EPB41L4B: variants seen among roughly 807,000 people sequenced by gnomAD.
EPB41L4B encodes the protein band 4.1-like protein 4B.
A neutral mutation model predicts 112.5 loss-of-function variants in EPB41L4B; 30 were observed. That is an observed-to-expected ratio of 0.27 (90% CI 0.20 to 0.36). The LOEUF is 0.36. Among genes scored for constraint, EPB41L4B ranks in the 10% least tolerant of loss-of-function variants. The probability of loss-of-function intolerance (pLI) is 1.00; values close to 1 mark genes in which losing one functional copy is unlikely to be tolerated. For synonymous variants in EPB41L4B, 408 were observed against 439.7 expected (o/e 0.93, Z 0.90); for missense variants, 1,024 against 1,133.3 (o/e 0.90, Z 1.38).
At chr9:109,241,031 T>C (rs529512058) in intron 15 of EPB41L4B, 5 of 984,948 alleles carry the variant, frequency 5.1e-6, no homozygotes, top group Admixed American at 6.1e-5. Context: ...AGTTATATAC[T>C]TTATTTAGCT....
rs78094464 is a variant in EPB41L4B, at chr9:109,231,225, T to C, written c.1409+12393A>G. Among the ~76,000 whole-genome samples the C allele has an allele frequency of 5.9e-3, 896 of 151,862 alleles. 8 individuals are homozygous for C. The highest frequency in any genetic ancestry group is 0.021 in the African/African-American group (860 of 41,386). On this transcript the variant is annotated intron_variant, in intron 15 of 25. Transcript: ENST00000374566. ...GTTTAGATTCCTTTATAGAGACTAA[T>C]TGGCCCAAAACTTTTCCAATTTGTA...
intron 1 of EPB41L4B, among the ~76,000 whole-genome samples, chr9:109,317,529 A>G (rs2119295975): frequency 6.6e-6 from 1 of 152,318 alleles, no homozygotes; most frequent in East Asian, 1.9e-4. Context: ...GCACGGTCAC[A>G]CTGAGGGTGT....
At chr9:109,293,311 C>A (rs942709708) in intron 1 of EPB41L4B, among the ~76,000 whole-genome samples, 1 of 151,828 alleles carries the variant, frequency 6.6e-6, no homozygotes, top group African/African-American at 2.4e-5. Flanking sequence ...TTAGGACATC[C>A]CCACAGCATG....
intron 1 of EPB41L4B, among the ~76,000 whole-genome samples, chr9:109,315,675 GC>G (rs992664628): frequency 6.6e-6 from 1 of 152,142 alleles, no homozygotes; most frequent in African/African-American, 2.4e-5. Flanking sequence ...TCTCCAATGG[GC>G]CGGGGAGGTG....
At chr9:109,310,852 G>A (rs1055785162) in intron 1 of EPB41L4B, among the ~76,000 whole-genome samples, 2 of 152,208 alleles carry the variant, frequency 1.3e-5, no homozygotes, top group African/African-American at 2.4e-5. Context: ...ATTACTCAGC[G>A]TTAGAAAGGA....
chr9:109,260,645 C>A (rs1835167159), intron 6 of EPB41L4B, among the ~76,000 whole-genome samples: 1 of 152,052 alleles, frequency 6.6e-6, no homozygotes, highest in Non-Finnish European at 1.5e-5. Flanking sequence ...GAACTCCGGA[C>A]CTCAGGTAAT....
At chr9:109,199,138 T>G (rs1020885983) in intron 20 of EPB41L4B, among the ~76,000 whole-genome samples, 1 of 152,186 alleles carries the variant, frequency 6.6e-6, no homozygotes, top group Non-Finnish European at 1.5e-5. Context: ...CAGGTGCACA[T>G]GTGCCCTGGT....
rs1216424016 is a variant in EPB41L4B at position 109,185,480 on chromosome 9, G to A, written c.2418+9C>T. On this transcript the variant is annotated intron_variant, in intron 23 of 25. Coordinates refer to ENST00000374566, the MANE Select transcript of EPB41L4B (RefSeq NM_019114.5). ...CTGGCCAGGCCCCTCTCCCTGCCAGGGTACCTACCAGCCTCGTTTTGATTG... is the reference window on the plus strand; with the variant it reads ...CTGGCCAGGCCCCTCTCCCTGCCAGAGTACCTACCAGCCTCGTTTTGATTG... 2 of 1,612,024 alleles carry A rather than the reference G, an allele frequency of 1.2e-6. No individual in the cohort carries two copies. The highest frequency in any genetic ancestry group is 2.7e-5 in the African/African-American group (2 of 74,888).
At chr9:109,208,676 A>G (rs1015942340) in intron 17 of EPB41L4B, among the ~76,000 whole-genome samples, 17 of 152,188 alleles carry the variant, frequency 1.1e-4, no homozygotes, top group Admixed American at 4.6e-4. Context: ...ACTGTGTCCA[A>G]AGCAATAATA....
intron 22 of EPB41L4B, among the ~76,000 whole-genome samples, chr9:109,190,216 G>A (rs1832413097): frequency 6.6e-6 from 1 of 152,206 alleles, no homozygotes; most frequent in African/African-American, 2.4e-5. Context: ...TGGGGCCTCA[G>A]GAGTCTCATC....
intron 11 of EPB41L4B, among the ~76,000 whole-genome samples, 166 bp downstream of exon 11, chr9:109,255,345 G>C (rs1322631035): frequency 6.6e-6 from 1 of 152,206 alleles, no homozygotes; most frequent in Non-Finnish European, 1.5e-5. Context: ...TCAATGACCA[G>C]GTGGGGGTCA....
intron 4 of EPB41L4B, 91 bp from the exon 5 acceptor site, chr9:109,265,115 C>A (rs1359389983): frequency 2.5e-5 from 25 of 998,154 alleles, no homozygotes; most frequent in Middle Eastern, 2.1e-4. Flanking sequence ...ACCCCACACA[C>A]AGCATGGAGT....
intron 15 of EPB41L4B, among the ~76,000 whole-genome samples, chr9:109,239,423 C>G (rs531448073): frequency 6.6e-6 from 1 of 152,266 alleles, no homozygotes; most frequent in Non-Finnish European, 1.5e-5. Context: ...CAAAAGTTCA[C>G]AGGACAGTCT....
chr9:109,264,087 C>T (rs907781813), intron 5 of EPB41L4B, among the ~76,000 whole-genome samples: 1 of 152,040 alleles, frequency 6.6e-6, no homozygotes, highest in African/African-American at 2.4e-5. Flanking sequence ...AGTACACACA[C>T]TCATAATACA....
At chr9:109,276,301 T>C (rs544282537) in intron 2 of EPB41L4B, among the ~76,000 whole-genome samples, 1 of 143,956 alleles carries the variant, frequency 6.9e-6, no homozygotes, top group Admixed American at 7.1e-5. Flanking sequence ...ACACGCTTCA[T>C]GAAGGGTGAG....
chr9:109,318,313 T>C lies in EPB41L4B; in HGVS notation c.306+1828A>G, dbSNP rs143616419. Reference sequence around the variant, plus strand: ...CCTTTTATAAAGTGAAGAAACCTTTTAGGATGCAAATATCCCCTTCCCCCA... The same window carrying C: ...CCTTTTATAAAGTGAAGAAACCTTTCAGGATGCAAATATCCCCTTCCCCCA... On this transcript the variant is annotated intron_variant, in intron 1 of 25. Coordinates refer to ENST00000374566, the MANE Select transcript of EPB41L4B (RefSeq NM_019114.5). 2.3e-3 allele frequency among the ~76,000 whole-genome samples: 352 copies of C among 152,256 alleles called. 1 individual carries two copies. Among genetic ancestry groups the C allele is most frequent in the African/African-American group, 7.6e-3 (317 of 41,538 alleles).
In EPB41L4B at chr9:109,176,599, G is replaced by C; in HGVS notation, c.2585C>G (p.Thr862Arg). ...CCGGGTGGTGTAAATGGTCTGCACT[G>C]TGGAGACGGTCTCTGTCAAAGGCCT... ...TLRPLTETVS[T>R]VQTIYTTRKP... The change falls in exon 25 of 26, where the codon ACA (threonine) becomes AGA (arginine). Residue 862 changes from threonine (T) to arginine (R), a missense_variant. Physicochemically the swap from Thr to Arg is moderately conservative, Grantham distance 71. Coordinates refer to ENST00000374566, the MANE Select transcript of EPB41L4B (RefSeq NM_019114.5). The C allele has an allele frequency of 1.2e-6, 2 of 1,614,096 alleles. No individual in the cohort carries two copies. The highest frequency in any genetic ancestry group is 1.7e-6 in the Non-Finnish European group (2 of 1,179,992).
chr9:109,311,992 A>G (rs1308304099), intron 1 of EPB41L4B, among the ~76,000 whole-genome samples: 2 of 152,218 alleles, frequency 1.3e-5, no homozygotes, highest in African/African-American at 4.8e-5. Context: ...GGTGCTTTGC[A>G]TATCAACCTC....
chr9:109,292,108 C>T (rs1323319650), intron 1 of EPB41L4B, among the ~76,000 whole-genome samples: 3 of 152,198 alleles, frequency 2.0e-5, no homozygotes, highest in East Asian at 1.9e-4. Context: ...CAACACAGAA[C>T]GCCTAACATC....
Sources: allele counts gnomAD v4.1 joint callset (sites outside exome capture counted in the v4.1 genomes callset), GRCh38; gene constraint gnomAD v4.1.1; transcripts MANE v1.5; gene names NCBI Gene and HGNC (gene_info 2026-07-23, HGNC 2026-07-21).